SLC9B2: variants seen among roughly 807,000 people sequenced by gnomAD.
The protein encoded by SLC9B2 is sodium/hydrogen exchanger 9B2.
In SLC9B2, 39 loss-of-function variants were observed where a neutral mutation model predicts 52.2. The ratio of observed to expected loss-of-function variants is 0.75; its 90% confidence interval spans 0.58 to 0.98. The LOEUF (loss-of-function observed/expected upper bound fraction) is 0.98, where lower values mean the gene tolerates loss of function less well. Among genes scored for constraint, SLC9B2 ranks in the 50% least tolerant of loss-of-function variants. SLC9B2 has a pLI of 0.00. For missense variants in SLC9B2, 626 were observed against 637.5 expected, an observed-to-expected ratio of 0.98 and a Z score of 0.19; for synonymous variants, 214 against 227.0, an observed-to-expected ratio of 0.94 and a Z score of 0.51.
At chr4:103,026,839 A>G (rs1742268770) in intron 11 of SLC9B2, among the ~76,000 whole-genome samples, 1 of 152,154 alleles carries the variant, frequency 6.6e-6, no homozygotes, top group Non-Finnish European at 1.5e-5. Flanking sequence ...AAGTATAATA[A>G]TAATAAAATA....
intron 9 of SLC9B2, among the ~76,000 whole-genome samples, chr4:103,034,044 C>T (rs1309998797): frequency 4.6e-5 from 7 of 151,946 alleles, no homozygotes; most frequent in East Asian, 1.9e-4. Flanking sequence ...TCACACTACC[C>T]GACTTCAAAC....
intron 9 of SLC9B2, among the ~76,000 whole-genome samples, chr4:103,039,704 A>G (rs1578448508): frequency 6.8e-6 from 1 of 147,136 alleles, no homozygotes; most frequent in South Asian, 2.1e-4. Flanking sequence ...GTGGAGTGCA[A>G]TGGTGTGATC....
At position 103,047,663 on chromosome 4, in the gene SLC9B2, C is replaced by T. The variant is rs561034017; in HGVS notation, c.714-437G>A. Among the ~76,000 whole-genome samples the T allele has an allele frequency of 2.8e-4, 43 of 150,898 alleles. No individual in the cohort carries two copies. The South Asian group carries it at 7.1e-3, about 25-fold the overall frequency. On this transcript the variant is annotated intron_variant, in intron 6 of 11. Transcript: ENST00000394785. ...TGTGGTGTTTGGTTTTTTGTCCTTG[C>T]GATAGTTTGCTGAGAATGATGGTTT... is the stretch of plus-strand genomic sequence containing the variant.
At chr4:103,050,086 A>C (rs1426102114) in intron 5 of SLC9B2, among the ~76,000 whole-genome samples, 154 bp downstream of exon 5, 4 of 152,198 alleles carry the variant, frequency 2.6e-5, no homozygotes, top group Non-Finnish European at 4.4e-5. Context: ...CTCACTTGCA[A>C]AACAATCCTC....
chr4:103,038,285 A>G (rs1057125330), intron 9 of SLC9B2, among the ~76,000 whole-genome samples: 2 of 152,240 alleles, frequency 1.3e-5, no homozygotes, highest in African/African-American at 4.8e-5. Context: ...TGTGTTTCAT[A>G]TACTCAGAAT....
At chr4:103,019,708 G>C, downstream of SLC9B2, 1 of 985,528 alleles carries the variant, frequency 1.0e-6, no homozygotes, top group Non-Finnish European at 1.2e-6. Context: ...GCGAAAGCCC[G>C]GATAGACTTC....
At chr4:103,027,132 A>G (rs1742295973) in intron 11 of SLC9B2, among the ~76,000 whole-genome samples, 1 of 152,214 alleles carries the variant, frequency 6.6e-6, no homozygotes, top group Non-Finnish European at 1.5e-5. Flanking sequence ...AGGGTTACAT[A>G]AATATCAGTA....
chr4:103,027,558 G>C (rs1228159169), intron 11 of SLC9B2, among the ~76,000 whole-genome samples: 1 of 152,078 alleles, frequency 6.6e-6, no homozygotes, highest in Admixed American at 6.6e-5. Context: ...GTGCAGATGG[G>C]AAAAATGTAT....
chr4:103,065,696 A>G (rs1420353746), intron 3 of SLC9B2: 1 of 152,202 alleles, frequency 6.6e-6, no homozygotes, highest in Non-Finnish European at 1.5e-5. Context: ...GCATAAATCA[A>G]TCTGAACTTC....
intron 3 of SLC9B2, 23 bp downstream of exon 3, chr4:103,066,304 T>C (rs764582308): frequency 3.1e-6 from 5 of 1,591,272 alleles, no homozygotes; most frequent in Non-Finnish European, 4.3e-6. Context: ...TCTTTTGCCA[T>C]CTCTTTCTGA....
At position 103,072,056 on chromosome 4, in the gene SLC9B2, G is replaced by GTTTTTTTTTTTTTTTTTTTTTTTTTT. The variant is rs779979130; in HGVS notation, c.-43+4127_-43+4128insAAAAAAAAAAAAAAAAAAAAAAAAAA. 6.8e-4 allele frequency among the ~76,000 whole-genome samples: 65 copies of GTTTTTTTTTTTTTTTTTTTTTTTTTT among 95,326 alleles called. 17 individuals are homozygous for GTTTTTTTTTTTTTTTTTTTTTTTTTT. The highest frequency in any genetic ancestry group is 2.7e-3 in the African/African-American group (58 of 21,824). The allele number at this position is 95,326 out of a possible 152,430, so 62.5% of individuals were successfully genotyped here. On this transcript the variant is annotated intron_variant, in intron 1 of 11. Coordinates refer to ENST00000394785, the MANE Select transcript of SLC9B2 (RefSeq NM_178833.7). ...CAAAATTTTCAAGTTTGGCTTTCAT[G>GTTTTTTTTTTTTTTTTTTTTTTTTTT]TTTTTTTTTTTTTTTTTTTTGAGGT...
rs1276014090 is a variant in SLC9B2 at position 103,025,733 on chromosome 4, G to A, written c.*637C>T. On this transcript the variant is annotated 3_prime_UTR_variant, in exon 12 of 12. Coordinates refer to ENST00000394785, the MANE Select transcript of SLC9B2 (RefSeq NM_178833.7). ...GGGCCACTGAAATAAAGGAACCTGGGTGGTCAGCTAGGGGGCAGGATAAAG... is the reference window on the plus strand; with the variant it reads ...GGGCCACTGAAATAAAGGAACCTGGATGGTCAGCTAGGGGGCAGGATAAAG... 2.6e-5 allele frequency: 4 copies of A among 152,254 alleles called. No homozygotes were observed. The highest frequency in any genetic ancestry group is 5.9e-5 in the Non-Finnish European group (4 of 68,148). The allele number at this position is 152,254 out of a possible 1,614,324, so 9.4% of individuals were successfully genotyped here.
downstream of SLC9B2, among the ~76,000 whole-genome samples, chr4:103,018,675 G>A (rs1405374903): frequency 2.6e-5 from 4 of 152,148 alleles, no homozygotes; most frequent in African/African-American, 9.7e-5. Flanking sequence ...GGGGGAGTGA[G>A]GGACCTGGTA....
rs1314385341 is a variant in SLC9B2, at chr4:103,026,526, A to G, written c.1458T>C (p.Tyr486=). 6.2e-7 allele frequency: 1 copy of G among 1,613,972 alleles called. No homozygotes were observed. The highest frequency in any genetic ancestry group is 2.2e-5 in the East Asian group (1 of 44,870). The change falls in exon 12 of 12, where the codon TAT becomes TAC. Residue 486 remains tyrosine, a synonymous_variant. Coordinates refer to ENST00000394785, the MANE Select transcript of SLC9B2 (RefSeq NM_178833.7). ...RSHGEKQLED[Y]GMDVLTVAFL... ...ATGCCACTGTCAACACATCCATTCC[A>G]TAGTCTTCTAATTGTTTCTCTCCAT...
At chr4:103,035,679 T>A (rs1230973545) in intron 9 of SLC9B2, among the ~76,000 whole-genome samples, 3 of 152,168 alleles carry the variant, frequency 2.0e-5, no homozygotes, top group Non-Finnish European at 4.4e-5. Context: ...ACACTGCTGG[T>A]GGGAATGTAA....
At chr4:103,054,951 T>C (rs1470369464) in intron 4 of SLC9B2, among the ~76,000 whole-genome samples, 1 of 152,138 alleles carries the variant, frequency 6.6e-6, no homozygotes. Context: ...ATGTTTATTG[T>C]GGCACTATTC....
chr4:103,052,523 C>T (rs1744779549), intron 4 of SLC9B2, among the ~76,000 whole-genome samples: 1 of 152,160 alleles, frequency 6.6e-6, no homozygotes, highest in Non-Finnish European at 1.5e-5. Context: ...GATAGCTTAA[C>T]AGCCAAAAAT....
At chr4:103,067,324 G>A in intron 2 of SLC9B2, 137 bp downstream of exon 2, 1 of 686,734 alleles carries the variant, frequency 1.5e-6, no homozygotes, top group East Asian at 2.7e-5. Flanking sequence ...TTACAGGTAG[G>A]GTCAGCTGGC....
At chr4:103,060,535 TTG>T (rs1312343898) in intron 3 of SLC9B2, among the ~76,000 whole-genome samples, 186 of 137,984 alleles carry the variant, frequency 1.3e-3, no homozygotes, top group African/African-American at 5.1e-3. Context: ...CATGTTTTTT[TTG>T]TTTGTTTTTT....
Sources: allele counts gnomAD v4.1 joint callset (sites outside exome capture counted in the v4.1 genomes callset), GRCh38; gene constraint gnomAD v4.1.1; transcripts MANE v1.5; gene names NCBI Gene and HGNC (gene_info 2026-07-23, HGNC 2026-07-21).